The following HAAO variants were observed in gnomAD, a reference collection of about 807,000 sequenced individuals.
The protein encoded by HAAO is 3-hydroxyanthranilate 3,4-dioxygenase, also known as 3-hydroxyanthranilate oxygenase.
HAAO carries 49 observed loss-of-function variants against 46.2 expected under a neutral mutation model. That is an observed-to-expected ratio of 1.06 (90% CI 0.84 to 1.34). The LOEUF is 1.34. Ranked by LOEUF, HAAO falls within the 40% of genes most tolerant of loss-of-function variation. HAAO has a pLI of 0.00. For missense variants in HAAO, 408 were observed against 364.5 expected (o/e 1.12, Z -0.97); for synonymous variants, 157 against 145.2 (o/e 1.08, Z -0.58).
In HAAO at chr2:42,770,633, A is replaced by G. The variant is rs1339929344; in HGVS notation, c.351-51T>C. 12 of 1,242,884 alleles carry G rather than the reference A, an allele frequency of 9.7e-6. No homozygotes were observed. In the Admixed American group the frequency reaches 1.3e-4, roughly 14 times the overall value. 77.0% of individuals were successfully genotyped at this position (1,242,884 alleles called of 1,614,324 possible). A position where few individuals can be genotyped will look rare whatever the true frequency, so the allele number is the denominator to read the frequency against. ...CTGCTGTCCCCATCTGGGTGGCTTCAGGGCAGCCCCACTCAGGCCTGGCTC... is the reference window on the plus strand; with the variant it reads ...CTGCTGTCCCCATCTGGGTGGCTTCGGGGCAGCCCCACTCAGGCCTGGCTC... On this transcript the variant is annotated intron_variant, in intron 4 of 9. Coordinates refer to ENST00000294973, the MANE Select transcript of HAAO (RefSeq NM_012205.3).
At chr2:42,775,354 G>C (rs1671470845) in intron 4 of HAAO, among the ~76,000 whole-genome samples, 1 of 151,848 alleles carries the variant, frequency 6.6e-6, no homozygotes, top group Non-Finnish European at 1.5e-5. Context: ...TAAGGGGCTT[G>C]ATTTACATAA....
chr2:42,789,078 C>T (rs1008930832), intron 1 of HAAO: 10 of 182,054 alleles, frequency 5.5e-5, no homozygotes, highest in East Asian at 3.8e-4. Flanking sequence ...TGCAGGAGAC[C>T]GTGACATCTA....
At chr2:42,771,444 TAAA>T (rs112130512) in intron 4 of HAAO, among the ~76,000 whole-genome samples, 9 of 124,718 alleles carry the variant, frequency 7.2e-5, no homozygotes, top group Non-Finnish European at 1.1e-4. Flanking sequence ...AATAAATAAG[TAAA>T]AAAAAAAAAA....
At chr2:42,783,951 G>A in intron 2 of HAAO, 84 bp from the exon 3 acceptor site, 3 of 1,543,078 alleles carry the variant, frequency 1.9e-6, no homozygotes, top group Non-Finnish European at 1.8e-6. Context: ...ATTCTGACCG[G>A]GAAACCTGAG....
At chr2:42,792,253 A>G (rs1405955318) in intron 1 of HAAO, among the ~76,000 whole-genome samples, 1 of 152,176 alleles carries the variant, frequency 6.6e-6, no homozygotes, top group Non-Finnish European at 1.5e-5. Context: ...TTCAGAAGTC[A>G]AGGCCACAGT....
intron 6 of HAAO, 31 bp from the exon 7 acceptor site, chr2:42,769,889 C>T: frequency 6.4e-7 from 1 of 1,572,604 alleles, no homozygotes; most frequent in Non-Finnish European, 8.6e-7. Flanking sequence ...TAGTCGGTGT[C>T]CTCAGGACCC....
At chr2:42,777,193 C>T (rs1671643536) in intron 4 of HAAO, among the ~76,000 whole-genome samples, 1 of 148,896 alleles carries the variant, frequency 6.7e-6, no homozygotes, top group Admixed American at 6.8e-5. Context: ...ATCCCAGCTA[C>T]TTGGGAGGCT....
At chr2:42,771,981 G>A (rs1369826564) in intron 4 of HAAO, among the ~76,000 whole-genome samples, 1 of 152,188 alleles carries the variant, frequency 6.6e-6, no homozygotes, top group Non-Finnish European at 1.5e-5. Flanking sequence ...TTTTATTAAA[G>A]GTCAAAAGCA....
intron 2 of HAAO, among the ~76,000 whole-genome samples, chr2:42,784,775 G>A (rs952459599): frequency 6.6e-6 from 1 of 152,228 alleles, no homozygotes; most frequent in Non-Finnish European, 1.5e-5. Flanking sequence ...TCTGCAGTCT[G>A]CCACTAGGCA....
chr2:42,785,205 T>C (rs969833531), intron 2 of HAAO, among the ~76,000 whole-genome samples: 1 of 152,152 alleles, frequency 6.6e-6, no homozygotes, highest in Non-Finnish European at 1.5e-5. Flanking sequence ...GCTCAGCGCA[T>C]AGTAAGCCCT....
intron 4 of HAAO, chr2:42,783,027 G>A: frequency 2.0e-6 from 1 of 499,164 alleles, no homozygotes; most frequent in South Asian, 2.2e-5. Context: ...GAATTTTCAA[G>A]GTTCACAACC....
Position 42,783,819 on chromosome 2 carries a change from C to T in HAAO, c.208G>A (p.Gly70Arg). 1 of 1,612,988 alleles carries T rather than the reference C, an allele frequency of 6.2e-7. No individual in the cohort carries two copies. Residue 70 changes from glycine (G) to arginine (R), a missense_variant, in exon 3 of 10, where the codon GGG (glycine) becomes AGG (arginine). Physicochemically the swap from Gly to Arg is moderately radical, Grantham distance 125. Transcript: ENST00000294973. ...GDMVLRVLEQ[G>R]KHRDVVIRQG... ...CGAATGACCACATCCCGGTGTTTCC[C>T]TTGCTCCAGGACTCGGAGAACCATG...
At chr2:42,774,834 T>C (rs1671419924) in intron 4 of HAAO, among the ~76,000 whole-genome samples, 1 of 152,176 alleles carries the variant, frequency 6.6e-6, no homozygotes, top group Admixed American at 6.5e-5. Context: ...TGTTTCATTC[T>C]TTTTCCCATT....
intron 4 of HAAO, among the ~76,000 whole-genome samples, chr2:42,781,756 C>T (rs1216766091): frequency 1.3e-5 from 2 of 152,058 alleles, no homozygotes; most frequent in Non-Finnish European, 2.9e-5. Context: ...TGCCTGTAAT[C>T]CCAACTACTC....
chr2:42,770,807 C>T (rs950227302), intron 4 of HAAO, among the ~76,000 whole-genome samples: 3 of 152,152 alleles, frequency 2.0e-5, no homozygotes, highest in Non-Finnish European at 2.9e-5. Context: ...CGGCTCTCTC[C>T]GGTTCCCAAA....
At chr2:42,777,785 T>C (rs1398292040) in intron 4 of HAAO, among the ~76,000 whole-genome samples, 1 of 152,024 alleles carries the variant, frequency 6.6e-6, no homozygotes, top group African/African-American at 2.4e-5. Context: ...CCAATAAAAA[T>C]ATATTTGTAG....
chr2:42,783,717 A>T (rs1573944257), intron 3 of HAAO, 67 bp downstream of exon 3: 4 of 1,353,656 alleles, frequency 3.0e-6, no homozygotes, highest in Non-Finnish European at 3.1e-6. Context: ...GGCCAGGATG[A>T]GTGGACAGGG....
intron 2 of HAAO, 168 bp from the exon 3 acceptor site, chr2:42,784,035 G>C (rs1672213443): frequency 2.6e-6 from 2 of 763,360 alleles, no homozygotes; most frequent in Middle Eastern, 6.7e-4. Flanking sequence ...CCCGGTGCAT[G>C]CCATGGAGTG....
intron 4 of HAAO, 92 bp downstream of exon 4, chr2:42,783,222 G>A (rs1004541499): frequency 2.7e-6 from 2 of 745,164 alleles, no homozygotes; most frequent in Middle Eastern, 2.4e-4. Flanking sequence ...GTGCTTTCTT[G>A]AGTCTATCTA....
Sources: allele counts gnomAD v4.1 joint callset (sites outside exome capture counted in the v4.1 genomes callset), GRCh38; gene constraint gnomAD v4.1.1; transcripts MANE v1.5; gene names NCBI Gene and HGNC (gene_info 2026-07-23, HGNC 2026-07-21).